Variants in LOXL2 observed in about 807,000 individuals in gnomAD.
LOXL2 encodes lysyl oxidase homolog 2.
Under a neutral mutation model 93.0 loss-of-function variants are expected in LOXL2, and 70 were observed. The observed-to-expected ratio is 0.75, with a 90% CI of 0.62 to 0.92. LOXL2 has a LOEUF of 0.92. Ranked by LOEUF, LOXL2 falls within the 40% of genes least tolerant of loss-of-function variation. The pLI, the probability that LOXL2 is intolerant of heterozygous loss-of-function variation, is 0.00. For missense variants in LOXL2, 973 were observed against 1,054.9 expected, an observed-to-expected ratio of 0.92 and a Z score of 1.08; for synonymous variants, 438 against 413.2, an observed-to-expected ratio of 1.06 and a Z score of -0.73.
At chr8:23,332,660 C>T (rs1255249801) in intron 5 of LOXL2, among the ~76,000 whole-genome samples, 2 of 51,970 alleles carry the variant, frequency 3.8e-5, no homozygotes, top group African/African-American at 1.8e-4. Context: ...CGCTCATACA[C>T]CCCCCCACAC....
intron 5 of LOXL2, among the ~76,000 whole-genome samples, chr8:23,330,375 A>T (rs1248707637): frequency 6.6e-6 from 1 of 152,116 alleles, no homozygotes; most frequent in Non-Finnish European, 1.5e-5. Flanking sequence ...AAACAAAAAA[A>T]ATCCAAACAG....
chr8:23,340,921 G>T, intron 4 of LOXL2, 71 bp downstream of exon 4: 1 of 1,378,402 alleles, frequency 7.3e-7, no homozygotes. Context: ...CCACCACCAG[G>T]GCGGACACTT....
intron 1 of LOXL2, among the ~76,000 whole-genome samples, chr8:23,389,760 T>C (rs1391390348): frequency 6.6e-6 from 1 of 152,168 alleles, no homozygotes; most frequent in African/African-American, 2.4e-5. Context: ...GGCATAGGAC[T>C]CTCACAAAGC....
chr8:23,302,942 G>A (rs1803165409), intron 11 of LOXL2, among the ~76,000 whole-genome samples: 1 of 152,172 alleles, frequency 6.6e-6, no homozygotes, highest in Non-Finnish European at 1.5e-5. Flanking sequence ...CCAGAAAAAA[G>A]GTTGGTGGCA....
At chr8:23,334,428 G>T (rs1215696616) in intron 4 of LOXL2, among the ~76,000 whole-genome samples, 1 of 152,194 alleles carries the variant, frequency 6.6e-6, no homozygotes, top group Non-Finnish European at 1.5e-5. Context: ...GATTAAATTT[G>T]TATTTCCAAT....
At chr8:23,310,011 G>C in intron 9 of LOXL2, 100 bp from the exon 10 acceptor site, 1 of 1,294,516 alleles carries the variant, frequency 7.7e-7, no homozygotes, top group Non-Finnish European at 1.0e-6. Context: ...CCTGCCTACC[G>C]CCACCTTCTG....
intron 1 of LOXL2, among the ~76,000 whole-genome samples, chr8:23,395,660 A>G (rs1262870107): frequency 6.6e-6 from 1 of 152,166 alleles, no homozygotes; most frequent in Non-Finnish European, 1.5e-5. Flanking sequence ...GGTGGTTGCC[A>G]GGCATCAAAA....
intron 9 of LOXL2, among the ~76,000 whole-genome samples, chr8:23,314,964 C>T (rs1283120585): frequency 6.6e-6 from 1 of 152,134 alleles, no homozygotes; most frequent in African/African-American, 2.4e-5. Context: ...AGGGGGTGGC[C>T]AGCGAGGAGG....
chr8:23,363,155 T>C (rs1401268192), intron 2 of LOXL2: 1 of 152,214 alleles, frequency 6.6e-6, no homozygotes, highest in Middle Eastern at 3.2e-3. Context: ...ATTCTACTGC[T>C]TCCACGATGT....
At chr8:23,358,268 A>G (rs2117202616) in intron 3 of LOXL2, among the ~76,000 whole-genome samples, 1 of 152,362 alleles carries the variant, frequency 6.6e-6, no homozygotes, top group African/African-American at 2.4e-5. Context: ...GGTGTCAACC[A>G]TAAGCAGTCT....
chr8:23,328,638 C>T (rs1803626886), intron 5 of LOXL2, 73 bp from the exon 6 acceptor site: 1 of 1,440,652 alleles, frequency 6.9e-7, no homozygotes, highest in East Asian at 2.3e-5. Flanking sequence ...TCCCCGCCCC[C>T]TCCCTTCCCT....
intron 1 of LOXL2, chr8:23,371,251 C>T (rs1030944549): frequency 5.9e-5 from 9 of 152,198 alleles, no homozygotes; most frequent in African/African-American, 1.9e-4. Flanking sequence ...AAAAGAGGAG[C>T]GAGTCTGTCA....
At chr8:23,380,364 G>A (rs12550688) in intron 1 of LOXL2, among the ~76,000 whole-genome samples, 43,675 of 139,764 alleles carry the variant, frequency 0.31, 6,744 homozygotes, top group East Asian at 0.44. Context: ...CTGCACTCCA[G>A]CCTCGTGACA....
At chr8:23,381,728 A>AACACTGCCAGGCTTTCTGGGTGACC (rs1804683412) in intron 1 of LOXL2, among the ~76,000 whole-genome samples, 2 of 152,180 alleles carry the variant, frequency 1.3e-5, no homozygotes, top group African/African-American at 4.8e-5. Flanking sequence ...TCAGGGAGGA[A>AACACTGCCAGGCTTTCTGGGTGACC]ACACTGCCAG....
rs375630783 is a variant in LOXL2, at chr8:23,314,997, G to A, written c.1636+1952C>T. Among the ~76,000 whole-genome samples, 28 of 152,254 alleles carry A rather than the reference G, an allele frequency of 1.8e-4. No homozygotes were observed. The East Asian group carries it at 5.2e-3, about 28-fold the overall frequency. Reference sequence around the variant, plus strand: ...AGGCTGGACAACACAAGCCCCGTGCGAGCCCCTGGTCACGGAAGTGCAGTG... The same window carrying A: ...AGGCTGGACAACACAAGCCCCGTGCAAGCCCCTGGTCACGGAAGTGCAGTG... On this transcript the variant is annotated intron_variant, in intron 9 of 13. Coordinates refer to ENST00000389131, the MANE Select transcript of LOXL2 (RefSeq NM_002318.3).
chr8:23,312,161 C>T (rs1210586601), intron 9 of LOXL2, among the ~76,000 whole-genome samples: 1 of 151,986 alleles, frequency 6.6e-6, no homozygotes, highest in Non-Finnish European at 1.5e-5. Context: ...TAATCAATAG[C>T]TTACCAACCA....
chr8:23,364,380 A>T (rs1804361695), intron 2 of LOXL2: 2 of 152,252 alleles, frequency 1.3e-5, no homozygotes, highest in South Asian at 4.1e-4. Flanking sequence ...TTCAATCAGA[A>T]GCCAAATTTT....
At chr8:23,324,119 G>T (rs180971486) in intron 6 of LOXL2, among the ~76,000 whole-genome samples, 34 of 152,354 alleles carry the variant, frequency 2.2e-4, no homozygotes, top group Non-Finnish European at 4.3e-4. Flanking sequence ...AACAGTGTTT[G>T]TGGATTGCTA....
intron 3 of LOXL2, among the ~76,000 whole-genome samples, chr8:23,346,147 AAAAT>A (rs1803975790): frequency 3.1e-5 from 1 of 31,934 alleles, no homozygotes; most frequent in African/African-American, 2.1e-4. Context: ...TAAAATAAAT[AAAAT>A]AAAATAAAAA....
Sources: gnomAD v4.1 joint callset for allele counts (sites outside exome capture counted in the v4.1 genomes callset) on GRCh38, gnomAD v4.1.1 for gene constraint, MANE v1.5 for transcripts, NCBI Gene and HGNC (gene_info 2026-07-23, HGNC 2026-07-21) for gene names.